ADAMTS12: variants seen among roughly 807,000 people sequenced by gnomAD.
The protein encoded by ADAMTS12 is A disintegrin and metalloproteinase with thrombospondin motifs 12.
ADAMTS12 carries 118 observed loss-of-function variants against 167.8 expected under a neutral mutation model. That is an observed-to-expected ratio of 0.70 (90% CI 0.61 to 0.82). The LOEUF (loss-of-function observed/expected upper bound fraction) is 0.82, where lower values mean the gene tolerates loss of function less well. Among genes scored for constraint, ADAMTS12 ranks in the 40% least tolerant of loss-of-function variants. The pLI is 0.00. For synonymous variants in ADAMTS12, 704 were observed against 716.9 expected (o/e 0.98, Z 0.29); for missense variants, 1,916 against 1,998.8 (o/e 0.96, Z 0.79).
intron 2 of ADAMTS12, among the ~76,000 whole-genome samples, chr5:33,873,735 G>A (rs1186891477): frequency 6.6e-6 from 1 of 152,098 alleles, no homozygotes; most frequent in Non-Finnish European, 1.5e-5. Context: ...ACAGAATAGA[G>A]AGCCCATAAA....
intron 18 of ADAMTS12, among the ~76,000 whole-genome samples, chr5:33,583,757 C>T (rs6882507): frequency 0.04 from 6,096 of 152,236 alleles, 383 homozygotes; most frequent in African/African-American, 0.13. Flanking sequence ...TATTGAGCAC[C>T]TTTTCATATG....
intron 3 of ADAMTS12, among the ~76,000 whole-genome samples, chr5:33,741,186 G>A (rs1378872668): frequency 6.6e-6 from 1 of 152,196 alleles, no homozygotes; most frequent in Non-Finnish European, 1.5e-5. Flanking sequence ...GCCAGTGGAT[G>A]CTGTGTTCAT....
At chr5:33,743,149 G>C (rs1038674386) in intron 3 of ADAMTS12, among the ~76,000 whole-genome samples, 6 of 152,288 alleles carry the variant, frequency 3.9e-5, no homozygotes, top group Admixed American at 3.3e-4. Context: ...CCACTTCAAG[G>C]AACACTGGAG....
intron 19 of ADAMTS12, among the ~76,000 whole-genome samples, chr5:33,567,937 G>A (rs868702967): frequency 4.6e-5 from 7 of 152,190 alleles, no homozygotes; most frequent in South Asian, 4.1e-4. Flanking sequence ...TCAAGTCCCC[G>A]TAGCTCACAG....
intron 2 of ADAMTS12, among the ~76,000 whole-genome samples, chr5:33,772,616 GAGATACTTCTTTTCC>G (rs1328860402): frequency 6.6e-6 from 1 of 152,172 alleles, no homozygotes; most frequent in African/African-American, 2.4e-5. Flanking sequence ...AATGAAAACT[GAGATACTTCTTTTCC>G]AGGCTTCTTG....
chr5:33,642,384 C>G (rs1740495554), intron 10 of ADAMTS12, among the ~76,000 whole-genome samples: 1 of 152,186 alleles, frequency 6.6e-6, no homozygotes, highest in South Asian at 2.1e-4. Flanking sequence ...CAGACTGGCA[C>G]AGCGAATAGC....
rs1326637201 is a variant in ADAMTS12, at chr5:33,683,847, A to G, written c.831+12T>C. The G allele has an allele frequency of 1.4e-6, 2 of 1,467,884 alleles. No homozygotes were observed. Among genetic ancestry groups the G allele is most frequent in the African/African-American group, 1.4e-5 (1 of 70,748 alleles). The allele number at this position is 1,467,884 out of a possible 1,614,324, so 90.9% of individuals were successfully genotyped here. A position where few individuals can be genotyped will look rare whatever the true frequency, so the allele number is the denominator to read the frequency against. Reference sequence around the variant, plus strand: ...TCACTAGCTGCCCCAGCCCCCATGTAGTCTGGCATACCATGTTCATGATGG... The same window carrying G: ...TCACTAGCTGCCCCAGCCCCCATGTGGTCTGGCATACCATGTTCATGATGG... On this transcript the variant is annotated intron_variant, in intron 4 of 23. Transcript: ENST00000504830.
At chr5:33,775,316 G>A (rs1386894209) in intron 2 of ADAMTS12, among the ~76,000 whole-genome samples, 1 of 152,138 alleles carries the variant, frequency 6.6e-6, no homozygotes, top group African/African-American at 2.4e-5. Context: ...AAGAGAATAG[G>A]ATTTCTGAGG....
At chr5:33,884,961 C>T (rs1750585288) in intron 1 of ADAMTS12, among the ~76,000 whole-genome samples, 1 of 152,178 alleles carries the variant, frequency 6.6e-6, no homozygotes, top group Non-Finnish European at 1.5e-5. Context: ...CATTTTAAAA[C>T]ATGAATTCTG....
In ADAMTS12 at chr5:33,683,838, C is replaced by A. The variant is rs781079117; in HGVS notation, c.831+21G>T. 11 of 1,430,362 alleles carry A rather than the reference C, an allele frequency of 7.7e-6. No individual in the cohort carries two copies. The Admixed American group carries it at 1.6e-4, about 21-fold the overall frequency. 88.6% of individuals were successfully genotyped at this position (1,430,362 alleles called of 1,614,324 possible). A position where few individuals can be genotyped will look rare whatever the true frequency, so the allele number is the denominator to read the frequency against. The stretch of plus-strand genomic sequence containing the variant: ...GACATCTGTTCACTAGCTGCCCCAG[C>A]CCCCATGTAGTCTGGCATACCATGT... On this transcript the variant is annotated intron_variant, in intron 4 of 23. Coordinates refer to ENST00000504830, the MANE Select transcript of ADAMTS12 (RefSeq NM_030955.4).
At chr5:33,568,512 C>G (rs1448804184) in intron 19 of ADAMTS12, among the ~76,000 whole-genome samples, 3 of 152,160 alleles carry the variant, frequency 2.0e-5, no homozygotes, top group Admixed American at 2.0e-4. Context: ...TGGGAAGAGA[C>G]AGAAGGTTCA....
chr5:33,547,083 C>A (rs371225163), intron 21 of ADAMTS12, among the ~76,000 whole-genome samples: 1 of 152,148 alleles, frequency 6.6e-6, no homozygotes, highest in Non-Finnish European at 1.5e-5. Context: ...TCAACATCAA[C>A]TTTTTTCCCA....
At position 33,574,982 on chromosome 5, in the gene ADAMTS12, T is replaced by C. The variant is rs114928862; in HGVS notation, c.3972+1072A>G. On this transcript the variant is annotated intron_variant, in intron 19 of 23. Transcript: ENST00000504830. ...TATTAACAAGTTTGTATACTGCATATTCAGATTTCAAATAGGTGAGAAATG... is the reference window on the plus strand; with the variant it reads ...TATTAACAAGTTTGTATACTGCATACTCAGATTTCAAATAGGTGAGAAATG... 5.6e-3 allele frequency among the ~76,000 whole-genome samples: 860 copies of C among 152,288 alleles called. 8 individuals carry two copies. Among genetic ancestry groups the C allele is most frequent in the African/African-American group, 0.02 (819 of 41,562 alleles).
chr5:33,539,810 A>G (rs1373688793), intron 22 of ADAMTS12, among the ~76,000 whole-genome samples: 2 of 152,150 alleles, frequency 1.3e-5, no homozygotes, highest in Admixed American at 1.3e-4. Flanking sequence ...ATTTTTTTAA[A>G]AAGCTAAAGT....
intron 2 of ADAMTS12, among the ~76,000 whole-genome samples, chr5:33,837,071 TG>T (rs1159134035): frequency 2.0e-5 from 3 of 151,744 alleles, no homozygotes; most frequent in Non-Finnish European, 4.4e-5. Context: ...CAGAGAACAA[TG>T]GGAAAACCCT....
chr5:33,848,075 G>A (rs1265315014), intron 2 of ADAMTS12, among the ~76,000 whole-genome samples: 2 of 152,070 alleles, frequency 1.3e-5, no homozygotes, highest in Non-Finnish European at 1.5e-5. Context: ...AAAGGAGCAG[G>A]GCATTGTGGC....
chr5:33,674,836 T>C (rs1207027913), intron 5 of ADAMTS12, among the ~76,000 whole-genome samples: 2 of 152,280 alleles, frequency 1.3e-5, no homozygotes, highest in African/African-American at 4.8e-5. Flanking sequence ...AAATCTCAGA[T>C]TGCTATGGCT....
Position 33,637,729 on chromosome 5 carries a change from T to C in ADAMTS12, c.1736A>G (p.Lys579Arg). ...GCGTTTTCTTTCTCCAGTGCAATAT[T>C]TCCCTCCAAACTTTGGCCTGCAAAT... Reference protein sequence around the residue: ...CNNPEPKFGGKYCTGERKRYR... With the variant: ...CNNPEPKFGGRYCTGERKRYR... The change falls in exon 12 of 24, where the codon AAA becomes AGA. Residue 579 changes from lysine (K) to arginine (R), a missense_variant. Coordinates refer to ENST00000504830, the MANE Select transcript of ADAMTS12 (RefSeq NM_030955.4). 1.2e-6 allele frequency: 2 copies of C among 1,613,118 alleles called. No homozygotes were observed. Among genetic ancestry groups the C allele is most frequent in the Non-Finnish European group, 8.5e-7 (1 of 1,179,386 alleles).
intron 11 of ADAMTS12, among the ~76,000 whole-genome samples, chr5:33,639,751 AG>A (rs1740371706): frequency 6.6e-6 from 1 of 152,210 alleles, no homozygotes; most frequent in South Asian, 2.1e-4. Context: ...CTGGCAGTCT[AG>A]TCAAGTACTG....
Sources: allele counts gnomAD v4.1 joint callset (sites outside exome capture counted in the v4.1 genomes callset), GRCh38; gene constraint gnomAD v4.1.1; transcripts MANE v1.5; gene names NCBI Gene and HGNC (gene_info 2026-07-23, HGNC 2026-07-21).